Variants in EPHA7 observed in about 807,000 individuals in gnomAD.
The protein encoded by EPHA7 is ephrin type-A receptor 7.
A neutral mutation model predicts 112.6 loss-of-function variants in EPHA7; 25 were observed. The observed-to-expected ratio is 0.22, with a 90% CI of 0.16 to 0.31. EPHA7 has a LOEUF of 0.31. Among genes scored for constraint, EPHA7 ranks in the 10% least tolerant of loss-of-function variants. The pLI, the probability that EPHA7 is intolerant of heterozygous loss-of-function variation, is 1.00. For missense variants in EPHA7, 962 were observed against 1,212.6 expected (o/e 0.79, Z 3.07); for synonymous variants, 437 against 406.5 (o/e 1.07, Z -0.90).
In EPHA7 at chr6:93,269,665, A is replaced by T. The variant is rs374730169; in HGVS notation, c.1450-5T>A. The T allele has an allele frequency of 5.3e-6, 8 of 1,507,384 alleles. No homozygotes were observed. The highest frequency in any genetic ancestry group is 5.3e-6 in the Non-Finnish European group (6 of 1,132,052). 93.4% of individuals were successfully genotyped at this position (1,507,384 alleles called of 1,614,324 possible). Reference sequence around the variant, plus strand: ...GTAGGTCCGTTCCCTTTGATCCTAGAAACAATATTTAGAGGAAATATTTAA... The same window carrying T: ...GTAGGTCCGTTCCCTTTGATCCTAGTAACAATATTTAGAGGAAATATTTAA... On this transcript the variant is annotated splice_polypyrimidine_tract_variant and splice_region_variant and intron_variant, in intron 6 of 16. Transcript: ENST00000369303.
At chr6:93,273,459 C>T (rs1472119564) in intron 5 of EPHA7, among the ~76,000 whole-genome samples, 1 of 151,916 alleles carries the variant, frequency 6.6e-6, no homozygotes, top group Non-Finnish European at 1.5e-5. Context: ...AGCAACCTTC[C>T]GATGTTTATC....
intron 5 of EPHA7, among the ~76,000 whole-genome samples, chr6:93,324,381 T>C (rs1363991215): frequency 2.6e-5 from 4 of 151,428 alleles, no homozygotes; most frequent in East Asian, 1.9e-4. Flanking sequence ...CTCATAAACA[T>C]CAGTGCCACT....
At chr6:93,290,964 T>C (rs927852211) in intron 5 of EPHA7, among the ~76,000 whole-genome samples, 1 of 152,136 alleles carries the variant, frequency 6.6e-6, no homozygotes, top group Non-Finnish European at 1.5e-5. Context: ...AATACAACAT[T>C]GAAATAGATC....
rs751791155 is a variant in EPHA7, at chr6:93,356,830, T to C, written c.1211A>G (p.Asp404Gly). 1.9e-6 allele frequency: 3 copies of C among 1,614,024 alleles called. No individual in the cohort carries two copies. The African/African-American group carries it at 4.0e-5, about 22-fold the overall frequency. The change falls in exon 5 of 17, where the codon GAC (aspartate) becomes GGC (glycine). Residue 404 changes from aspartate (D) to glycine (G), a missense_variant. Physicochemically the swap from Asp to Gly is moderately conservative, Grantham distance 94 (BLOSUM62 -1). Around this residue, in one of 3 missense-constraint regions of EPHA7, gnomAD observed 746 missense variants for 889.2 expected, o/e 0.84. Transcript: ENST00000369303. ...GLEDNYVTVM[D>G]LLAHANYTFE... ...AGTATAATTAGCGTGGGCTAGCAGGTCCATGACAGTGACATAGTTATCCTC... is the reference window on the plus strand; with the variant it reads ...AGTATAATTAGCGTGGGCTAGCAGGCCCATGACAGTGACATAGTTATCCTC...
At chr6:93,263,798 C>T (rs1477133163) in intron 9 of EPHA7, 62 bp downstream of exon 9, 7 of 1,392,754 alleles carry the variant, frequency 5.0e-6, no homozygotes, top group Non-Finnish European at 6.0e-6. Flanking sequence ...AATGCCAATG[C>T]TAATAACCAG....
intron 3 of EPHA7, chr6:93,409,907 C>CAAAAAA (rs35160871): frequency 4.4e-5 from 5 of 114,782 alleles, no homozygotes; most frequent in Non-Finnish European, 9.8e-5. Flanking sequence ...GTACTTAGTC[C>CAAAAAA]AAAAAAAAAA....
At chr6:93,383,273 TGTGTG>T (rs1777436345) in intron 3 of EPHA7, among the ~76,000 whole-genome samples, 1 of 146,378 alleles carries the variant, frequency 6.8e-6, no homozygotes, top group African/African-American at 2.6e-5. Context: ...CGTGTGTGTG[TGTGTG>T]TGTGTGTGTG....
At chr6:93,369,338 CAAAT>C (rs1294958175) in intron 3 of EPHA7, among the ~76,000 whole-genome samples, 1 of 152,010 alleles carries the variant, frequency 6.6e-6, no homozygotes, top group Non-Finnish European at 1.5e-5. Flanking sequence ...CCTCCACACC[CAAAT>C]AAATAATTTG....
intron 5 of EPHA7, among the ~76,000 whole-genome samples, chr6:93,329,006 C>T (rs1454032770): frequency 6.6e-6 from 1 of 151,442 alleles, no homozygotes; most frequent in Non-Finnish European, 1.5e-5. Context: ...CCATATTCAT[C>T]TGTTAATATT....
At chr6:93,359,337 T>G (rs1207770756) in intron 3 of EPHA7, among the ~76,000 whole-genome samples, 3 of 151,296 alleles carry the variant, frequency 2.0e-5, no homozygotes, top group Non-Finnish European at 4.4e-5. Flanking sequence ...TAGCAAGTTA[T>G]TTTTACATTA....
intron 16 of EPHA7, 52 bp from the exon 17 acceptor site, chr6:93,243,592 G>C: frequency 1.6e-6 from 2 of 1,221,120 alleles, no homozygotes; most frequent in Non-Finnish European, 2.4e-6. Flanking sequence ...GAATAAATGT[G>C]GCACTAAACT....
rs1324112852 is a variant in EPHA7 at position 93,322,467 on chromosome 6, G to T, written c.1324+34250C>A. On this transcript the variant is annotated intron_variant, in intron 5 of 16. Coordinates refer to ENST00000369303, the MANE Select transcript of EPHA7 (RefSeq NM_004440.4). ...AGGCCAAAAGATTTATTATTTCATA[G>T]AGGGGTGCTTTTCTGATAAATATAC... 9.2e-5 allele frequency among the ~76,000 whole-genome samples: 14 copies of T among 151,600 alleles called. No homozygotes were observed. The East Asian group carries it at 2.7e-3, about 29-fold the overall frequency.
intron 5 of EPHA7, among the ~76,000 whole-genome samples, chr6:93,277,768 A>G (rs1445766732): frequency 6.6e-6 from 1 of 152,034 alleles, no homozygotes; most frequent in Non-Finnish European, 1.5e-5. Flanking sequence ...ATAGTAAGAT[A>G]TATAACAGAA....
chr6:93,299,568 A>C (rs1772865110), intron 5 of EPHA7, among the ~76,000 whole-genome samples: 1 of 152,160 alleles, frequency 6.6e-6, no homozygotes, highest in Non-Finnish European at 1.5e-5. Context: ...TGTGGAAAGC[A>C]GTGTGGTGAT....
At chr6:93,349,740 C>G (rs1008941397) in intron 5 of EPHA7, among the ~76,000 whole-genome samples, 1 of 151,662 alleles carries the variant, frequency 6.6e-6, no homozygotes, top group Non-Finnish European at 1.5e-5. Context: ...ATATTCCTAA[C>G]AAGTATAAAA....
chr6:93,318,565 C>G (rs1773919095), intron 5 of EPHA7, among the ~76,000 whole-genome samples: 1 of 151,852 alleles, frequency 6.6e-6, no homozygotes, highest in African/African-American at 2.4e-5. Flanking sequence ...ATATTTTCTG[C>G]TTAGTTTTTA....
chr6:93,284,445 C>A (rs1219936799), intron 5 of EPHA7, among the ~76,000 whole-genome samples: 1 of 151,798 alleles, frequency 6.6e-6, no homozygotes, highest in Non-Finnish European at 1.5e-5. Context: ...TAAGAAAGAT[C>A]AGCAGCAGCA....
intron 5 of EPHA7, among the ~76,000 whole-genome samples, chr6:93,284,332 C>T (rs2450425): frequency 0.044 from 4,250 of 95,948 alleles, 185 homozygotes; most frequent in African/African-American, 0.12. Context: ...TTTTTTTTTT[C>T]AAAATCATCA....
intron 3 of EPHA7, among the ~76,000 whole-genome samples, chr6:93,386,387 G>A (rs1371629682): frequency 6.6e-6 from 1 of 152,102 alleles, no homozygotes; most frequent in African/African-American, 2.4e-5. Flanking sequence ...AATCCAATAG[G>A]GCAGTCATTA....
Sources: allele counts gnomAD v4.1 joint callset (sites outside exome capture counted in the v4.1 genomes callset), GRCh38; gene constraint gnomAD v4.1.1; regional missense constraint gnomAD v4.1.1; transcripts MANE v1.5; gene names NCBI Gene and HGNC (gene_info 2026-07-23, HGNC 2026-07-21).